Variants in PAK2 observed in about 807,000 individuals in gnomAD.
PAK2 encodes the protein serine/threonine-protein kinase PAK 2.
A neutral mutation model predicts 65.9 loss-of-function variants in PAK2; 21 were observed. The ratio of observed to expected loss-of-function variants is 0.32; its 90% confidence interval spans 0.23 to 0.46. The LOEUF is 0.46. Ranked by LOEUF, PAK2 falls within the 20% of genes least tolerant of loss-of-function variation. The pLI is 1.00. For missense variants in PAK2, 324 were observed against 642.6 expected (o/e 0.50, Z 5.36); for synonymous variants, 204 against 219.7 (o/e 0.93, Z 0.63).
chr3:196,809,404 C>T (rs1381253028), intron 7 of PAK2, among the ~76,000 whole-genome samples: 2 of 121,058 alleles, frequency 1.7e-5, no homozygotes, highest in Non-Finnish European at 3.2e-5. Flanking sequence ...GGCTGGAGTG[C>T]AGTGGCGTGG....
intron 1 of PAK2, among the ~76,000 whole-genome samples, chr3:196,757,600 C>G (rs911663485): frequency 6.6e-6 from 1 of 151,854 alleles, no homozygotes. Context: ...AAAAATTAAC[C>G]CCAAACCCCT....
intron 1 of PAK2, chr3:196,747,445 A>C (rs1459250793): frequency 6.6e-6 from 1 of 152,128 alleles, no homozygotes; most frequent in Non-Finnish European, 1.5e-5. Context: ...GTATTTTCCA[A>C]ATAGCTGGTG....
chr3:196,748,132 T>C (rs937351658), intron 1 of PAK2, among the ~76,000 whole-genome samples: 2 of 152,218 alleles, frequency 1.3e-5, no homozygotes, highest in Admixed American at 1.3e-4. Context: ...CACTCTCTTA[T>C]TTCTAATGAT....
In PAK2 at chr3:196,811,344, C is replaced by T. The variant is rs142007123; in HGVS notation, c.773+691C>T. 1.3e-3 allele frequency among the ~76,000 whole-genome samples: 17 copies of T among 13,192 alleles called. 2 individuals carry two copies. The highest frequency in any genetic ancestry group is 2.9e-3 in the African/African-American group (9 of 3,094). 8.7% of individuals were successfully genotyped at this position (13,192 alleles called of 152,430 possible). A position where few individuals can be genotyped will look rare whatever the true frequency, so the allele number is the denominator to read the frequency against. On this transcript the variant is annotated intron_variant, in intron 8 of 14. Coordinates refer to ENST00000327134, the MANE Select transcript of PAK2 (RefSeq NM_002577.4). ...CTTCCTTCCCTTCCCTCCCTTCCCT[C>T]CCTTCCTTCCCTCCCTTCCCTTCCT...
chr3:196,791,015 A>G lies in PAK2; in HGVS notation c.187+8182A>G, dbSNP rs1262546959. 6.6e-6 allele frequency among the ~76,000 whole-genome samples: 1 copy of G among 152,070 alleles called. No individual in the cohort carries two copies. Among genetic ancestry groups the G allele is most frequent in the Non-Finnish European group, 1.5e-5 (1 of 68,018 alleles). ...TCAGCCAAACTTTGAAGCTATGCAA[A>G]ACTCCCCGGCCTTCCAAGCAGGTTT... is the stretch of plus-strand genomic sequence containing the variant. On this transcript the variant is annotated intron_variant, in intron 2 of 14. Transcript: ENST00000327134. The surrounding 1 kb of genome is among the most constrained non-coding windows in gnomAD (Gnocchi z 4.0).
rs115135398 is a variant in PAK2 at position 196,818,704 on chromosome 3, C to G, written c.1153+548C>G. ...TTTAAGTAATCTTAATGGGGAAGCT[C>G]TCATACATTTTTGGTGAATACACAT... On this transcript the variant is annotated intron_variant, in intron 12 of 14. Transcript: ENST00000327134. Among the ~76,000 whole-genome samples, 323 of 152,148 alleles carry G rather than the reference C, an allele frequency of 2.1e-3. 3 individuals carry two copies. The highest frequency in any genetic ancestry group is 7.5e-3 in the African/African-American group (313 of 41,528).
At position 196,791,032 on chromosome 3, in the gene PAK2, A is replaced by G. The variant is rs1209569188; in HGVS notation, c.187+8199A>G. On this transcript the variant is annotated intron_variant, in intron 2 of 14. Coordinates refer to ENST00000327134, the MANE Select transcript of PAK2 (RefSeq NM_002577.4). The surrounding 1 kb of genome is among the most constrained non-coding windows in gnomAD (Gnocchi z 4.0). ...CTATGCAAAACTCCCCGGCCTTCCA[A>G]GCAGGTTTGCTTTTTTCTATTCCTA... 6.6e-6 allele frequency among the ~76,000 whole-genome samples: 1 copy of G among 152,190 alleles called. No homozygotes were observed. Among genetic ancestry groups the G allele is most frequent in the African/African-American group, 2.4e-5 (1 of 41,446 alleles).
At chr3:196,768,492 A>G (rs9820690) in intron 1 of PAK2, among the ~76,000 whole-genome samples, 91,540 of 148,656 alleles carry the variant, frequency 0.62, 28,906 homozygotes, top group East Asian at 0.69. Context: ...TTTTATTTAT[A>G]TATGTATGTA....
rs150074324 is a variant in PAK2 at position 196,831,283 on chromosome 3, C to A, written c.*2878C>A. On this transcript the variant is annotated 3_prime_UTR_variant, in exon 15 of 15. Transcript: ENST00000327134. ...TAAATCTGAAAGTTACCTTAATAGT[C>A]CTCTTGTGTTATTAGGACAGTATTA... 8.5e-5 allele frequency: 13 copies of A among 152,062 alleles called. No homozygotes were observed. The highest frequency in any genetic ancestry group is 8.5e-4 in the Admixed American group (13 of 15,264). The allele number at this position is 152,062 out of a possible 1,614,324, so 9.4% of individuals were successfully genotyped here.
At position 196,766,634 on chromosome 3, in the gene PAK2, A is replaced by C. The variant is rs540516392; in HGVS notation, c.-21-15992A>C. Among the ~76,000 whole-genome samples the C allele has an allele frequency of 3.3e-5, 5 of 152,210 alleles. No individual in the cohort carries two copies. The South Asian group carries it at 1.0e-3, about 32-fold the overall frequency. On this transcript the variant is annotated intron_variant, in intron 1 of 14. Coordinates refer to ENST00000327134, the MANE Select transcript of PAK2 (RefSeq NM_002577.4). ...GATTTTATATAATTTACGGAGTTCCAAAAGCGAATATACCAAAAATATATA... is the reference window on the plus strand; with the variant it reads ...GATTTTATATAATTTACGGAGTTCCCAAAGCGAATATACCAAAAATATATA...
At chr3:196,815,987 C>T (rs1325465926) in intron 11 of PAK2, among the ~76,000 whole-genome samples, 2 of 152,106 alleles carry the variant, frequency 1.3e-5, no homozygotes, top group African/African-American at 4.8e-5. Flanking sequence ...CAGTAGAATT[C>T]TGCCAAATTG....
At chr3:196,792,071 G>GT (rs1316930662) in intron 2 of PAK2, among the ~76,000 whole-genome samples, 1 of 152,190 alleles carries the variant, frequency 6.6e-6, no homozygotes, top group African/African-American at 2.4e-5. Flanking sequence ...GTGGGAAGCT[G>GT]TGCTGACCTG....
intron 2 of PAK2, chr3:196,784,927 T>C (rs1714835506): frequency 6.6e-6 from 1 of 152,190 alleles, no homozygotes; most frequent in South Asian, 2.1e-4. Flanking sequence ...TTCTAACTGG[T>C]GTGAGATGGT....
Position 196,812,209 on chromosome 3 carries a change from C to T in PAK2, c.774-10C>T, listed in dbSNP as rs1185844190. The T allele has an allele frequency of 1.3e-6, 2 of 1,536,054 alleles. No homozygotes were observed. Among genetic ancestry groups the T allele is most frequent in the Non-Finnish European group, 1.8e-6 (2 of 1,109,404 alleles). On this transcript the variant is annotated splice_polypyrimidine_tract_variant and intron_variant, in intron 8 of 14. Transcript: ENST00000327134. Reference sequence around the variant, plus strand: ...AACCTTAAATCTGGTTGTGTGTTTTCTCCCTCTAGGGCTTCTGGTACAGTT... The same window carrying T: ...AACCTTAAATCTGGTTGTGTGTTTTTTCCCTCTAGGGCTTCTGGTACAGTT...
chr3:196,756,029 C>A (rs1291396977), intron 1 of PAK2, among the ~76,000 whole-genome samples: 2 of 152,188 alleles, frequency 1.3e-5, no homozygotes, highest in Non-Finnish European at 1.5e-5. Flanking sequence ...GCAGGGATTA[C>A]AGGTGTGAGC....
chr3:196,802,490 A>T (rs1165921324), intron 3 of PAK2, among the ~76,000 whole-genome samples: 1 of 152,136 alleles, frequency 6.6e-6, no homozygotes, highest in Non-Finnish European at 1.5e-5. Flanking sequence ...GTGGTTGGAT[A>T]TATCGTTTTC....
At chr3:196,761,759 G>A (rs1363715047) in intron 1 of PAK2, among the ~76,000 whole-genome samples, 23 of 134,056 alleles carry the variant, frequency 1.7e-4, no homozygotes, top group African/African-American at 3.0e-4. Flanking sequence ...CTCACCTCCC[G>A]GACGGGGCGG....
intron 2 of PAK2, among the ~76,000 whole-genome samples, chr3:196,789,962 G>A (rs143642848): frequency 0.012 from 1,902 of 152,232 alleles, 32 homozygotes; most frequent in Middle Eastern, 0.085. Context: ...GCGCTCAGGC[G>A]GTGGTGCTCA....
At chr3:196,768,242 T>C (rs979544372) in intron 1 of PAK2, among the ~76,000 whole-genome samples, 6 of 152,044 alleles carry the variant, frequency 3.9e-5, no homozygotes, top group Admixed American at 1.3e-4. Context: ...TGCTTTTCAT[T>C]CCTAATCATG....
Sources: allele counts gnomAD v4.1 joint callset (sites outside exome capture counted in the v4.1 genomes callset), GRCh38; gene constraint gnomAD v4.1.1; non-coding constraint Gnocchi (gnomAD v3.1); transcripts MANE v1.5; gene names NCBI Gene and HGNC (gene_info 2026-07-23, HGNC 2026-07-21).